DPY19L3: variants seen among roughly 807,000 people sequenced by gnomAD.
DPY19L3 encodes protein C-mannosyl-transferase DPY19L3.
In DPY19L3, 51 loss-of-function variants were observed where a neutral mutation model predicts 92.3. The observed-to-expected ratio is 0.55, with a 90% CI of 0.44 to 0.70. The LOEUF (loss-of-function observed/expected upper bound fraction) is 0.70, where lower values mean the gene tolerates loss of function less well. Among genes scored for constraint, DPY19L3 ranks in the 30% least tolerant of loss-of-function variants. The probability of loss-of-function intolerance (pLI) is 0.00; values close to 1 mark genes in which losing one functional copy is unlikely to be tolerated. For missense variants in DPY19L3, 706 were observed against 855.9 expected, an observed-to-expected ratio of 0.82 and a Z score of 2.18; for synonymous variants, 309 against 315.2, an observed-to-expected ratio of 0.98 and a Z score of 0.21.
At chr19:32,419,258 T>C (rs1364804415) in intron 3 of DPY19L3, among the ~76,000 whole-genome samples, 1 of 151,166 alleles carries the variant, frequency 6.6e-6, no homozygotes, top group Non-Finnish European at 1.5e-5. Flanking sequence ...CCTCCCGGGT[T>C]CGCGCCATTC....
intron 10 of DPY19L3, among the ~76,000 whole-genome samples, chr19:32,457,250 C>T (rs573900698): frequency 6.6e-6 from 1 of 152,296 alleles, no homozygotes; most frequent in South Asian, 2.1e-4. Context: ...AAAGTCCTTG[C>T]TGTTTTTGCT....
intron 3 of DPY19L3, among the ~76,000 whole-genome samples, chr19:32,427,679 C>T (rs1209915888): frequency 6.6e-6 from 1 of 152,316 alleles, no homozygotes; most frequent in East Asian, 1.9e-4. Flanking sequence ...CTTGGCACTT[C>T]TCACATGCCA....
chr19:32,434,474 T>A (rs984402453), intron 4 of DPY19L3, among the ~76,000 whole-genome samples: 18 of 152,008 alleles, frequency 1.2e-4, no homozygotes, highest in African/African-American at 4.1e-4. Flanking sequence ...TTGACCAACA[T>A]GGAGAAACCC....
chr19:32,437,785 T>TTTG (rs1568337538), intron 6 of DPY19L3, among the ~76,000 whole-genome samples: 1 of 151,338 alleles, frequency 6.6e-6, no homozygotes, highest in Non-Finnish European at 1.5e-5. Flanking sequence ...TGGGTTTTTT[T>TTTG]CTTGCTGTTT....
At chr19:32,447,933 A>G (rs967176792) in intron 8 of DPY19L3, among the ~76,000 whole-genome samples, 15 of 152,156 alleles carry the variant, frequency 9.9e-5, no homozygotes, top group African/African-American at 3.6e-4. Flanking sequence ...AAACTTTTCA[A>G]TCTTAACAGA....
chr19:32,463,063 G>T (rs746910406), intron 12 of DPY19L3, among the ~76,000 whole-genome samples: 2 of 141,526 alleles, frequency 1.4e-5, no homozygotes, highest in East Asian at 4.2e-4. Context: ...TTCAATTTCA[G>T]CAATTCCAAA....
In DPY19L3 at chr19:32,458,437, T is replaced by C; in HGVS notation, c.1250T>C (p.Leu417Pro). 2 of 1,613,894 alleles carry C rather than the reference T, an allele frequency of 1.2e-6. No individual in the cohort carries two copies. The highest frequency in any genetic ancestry group is 1.7e-6 in the Non-Finnish European group (2 of 1,179,990). The change falls in exon 12 of 19, where the codon CTT becomes CCT. Residue 417 changes from leucine to proline, a missense_variant. Coordinates refer to ENST00000392250, the MANE Select transcript of DPY19L3 (RefSeq NM_001172774.2). The stretch of plus-strand genomic sequence containing the variant: ...TTTGGAAGGCTTTCAGATACTCTGC[T>C]TTTTTATGCTTACATATTCGTTCTG... ...NTFGRLSDTL[L>P]FYAYIFVLSI...
chr19:32,413,403 T>G (rs903084566), intron 3 of DPY19L3, among the ~76,000 whole-genome samples: 1 of 152,190 alleles, frequency 6.6e-6, no homozygotes, highest in Admixed American at 6.5e-5. Flanking sequence ...ACAGTATATA[T>G]ATCTTTATAC....
intron 5 of DPY19L3, 88 bp from the exon 6 acceptor site, chr19:32,437,106 A>G (rs1211073222): frequency 6.6e-6 from 10 of 1,508,912 alleles, no homozygotes; most frequent in Middle Eastern, 2.4e-4. Context: ...AAGCTCCTGC[A>G]TATTGTATTC....
chr19:32,469,975 G>A (rs1402399299), intron 16 of DPY19L3, among the ~76,000 whole-genome samples: 1 of 152,160 alleles, frequency 6.6e-6, no homozygotes, highest in African/African-American at 2.4e-5. Context: ...GCGTCCCATG[G>A]CTAATGCTTA....
chr19:32,482,341 C>T lies in DPY19L3; in HGVS notation c.*101C>T, dbSNP rs1182688678. On this transcript the variant is annotated 3_prime_UTR_variant, in exon 19 of 19. Coordinates refer to ENST00000392250, the MANE Select transcript of DPY19L3 (RefSeq NM_001172774.2). Reference sequence around the variant, plus strand: ...TATGTAAGTAGGTAGCCCAAACCTTCAAGCTGTGATATGAGTAAGTTCTAC... The same window carrying T: ...TATGTAAGTAGGTAGCCCAAACCTTTAAGCTGTGATATGAGTAAGTTCTAC... 3.7e-6 allele frequency: 5 copies of T among 1,368,178 alleles called. No individual in the cohort carries two copies. The highest frequency in any genetic ancestry group is 1.5e-5 in the African/African-American group (1 of 68,586). 84.8% of individuals were successfully genotyped at this position (1,368,178 alleles called of 1,614,324 possible).
intron 6 of DPY19L3, among the ~76,000 whole-genome samples, chr19:32,437,751 C>T (rs915034790): frequency 6.6e-6 from 1 of 150,480 alleles, no homozygotes; most frequent in Non-Finnish European, 1.5e-5. Flanking sequence ...AGGTAATTAA[C>T]GTATCAGTCA....
At chr19:32,438,508 C>T (rs974462408) in intron 6 of DPY19L3, among the ~76,000 whole-genome samples, 6 of 151,748 alleles carry the variant, frequency 4.0e-5, no homozygotes, top group African/African-American at 1.5e-4. Flanking sequence ...ATATCTCTAT[C>T]TTTTATAGAG....
intron 3 of DPY19L3, among the ~76,000 whole-genome samples, chr19:32,430,288 C>T (rs974458830): frequency 4.6e-5 from 7 of 151,928 alleles, no homozygotes; most frequent in African/African-American, 9.7e-5. Flanking sequence ...ACTTGGAAGC[C>T]GAGAGGATCA....
At position 32,482,129 on chromosome 19, in the gene DPY19L3, C is replaced by G. The variant is rs754670992; in HGVS notation, c.2040C>G (p.His680Gln). The change falls in exon 19 of 19, where the codon CAC (histidine) becomes CAG (glutamine). Residue 680 changes from histidine (H) to glutamine (Q), a missense_variant. Transcript: ENST00000392250. Reference protein sequence around the residue: ...ENDPDLKPADHPRFCEEIKRN... With the variant: ...ENDPDLKPADQPRFCEEIKRN... ...ATCCTGATTTGAAACCTGCAGACCA[C>G]CCTCGCTTCTGTGAAGAGATCAAAA... The G allele has an allele frequency of 6.2e-7, 1 of 1,613,832 alleles. No individual in the cohort carries two copies. Among genetic ancestry groups the G allele is most frequent in the Non-Finnish European group, 8.5e-7 (1 of 1,179,858 alleles).
intron 17 of DPY19L3, among the ~76,000 whole-genome samples, chr19:32,479,036 C>T (rs1468267697): frequency 2.6e-5 from 4 of 152,150 alleles, no homozygotes; most frequent in Non-Finnish European, 4.4e-5. Flanking sequence ...CCTTCATCCT[C>T]ACCAGTCAGG....
intron 4 of DPY19L3, among the ~76,000 whole-genome samples, chr19:32,433,402 G>C (rs1346963382): frequency 6.6e-6 from 1 of 152,132 alleles, no homozygotes; most frequent in Non-Finnish European, 1.5e-5. Context: ...TTTGGTGGCA[G>C]TTATTCATAA....
intron 16 of DPY19L3, 64 bp from the exon 17 acceptor site, chr19:32,477,458 T>C: frequency 1.3e-6 from 2 of 1,590,076 alleles, no homozygotes; most frequent in South Asian, 2.2e-5. Context: ...TTTGATATTG[T>C]CTTCTTTGTT....
intron 8 of DPY19L3, among the ~76,000 whole-genome samples, chr19:32,445,040 C>G (rs1969441317): frequency 2.2e-5 from 3 of 138,042 alleles, no homozygotes; most frequent in Admixed American, 7.6e-5. Flanking sequence ...TGCACCACTG[C>G]ATTCTAACCT....
Sources: allele counts gnomAD v4.1 joint callset (sites outside exome capture counted in the v4.1 genomes callset), GRCh38; gene constraint gnomAD v4.1.1; transcripts MANE v1.5; gene names NCBI Gene and HGNC (gene_info 2026-07-23, HGNC 2026-07-21).